RALGAPA2: variants seen among roughly 807,000 people sequenced by gnomAD.
The protein encoded by RALGAPA2 is ral GTPase-activating protein subunit alpha-2.
In RALGAPA2, 139 loss-of-function variants were observed where a neutral mutation model predicts 230.4. The ratio of observed to expected loss-of-function variants is 0.60; its 90% CI spans 0.53 to 0.69. The LOEUF (loss-of-function observed/expected upper bound fraction) is 0.69, where lower values mean the gene tolerates loss of function less well. Among genes scored for constraint, RALGAPA2 ranks in the 30% least tolerant of loss-of-function variants. The pLI is 0.00. For synonymous variants in RALGAPA2, 847 were observed against 837.8 expected, an observed-to-expected ratio of 1.01 and a Z score of -0.19; for missense variants, 2,163 against 2,276.0, an observed-to-expected ratio of 0.95 and a Z score of 1.01.
intron 37 of RALGAPA2, among the ~76,000 whole-genome samples, chr20:20,420,138 G>A (rs570052229): frequency 9.2e-5 from 14 of 152,292 alleles, no homozygotes; most frequent in African/African-American, 2.4e-4. Context: ...TGCCATGAGC[G>A]GGAAGGAAGT....
chr20:20,699,909 G>C (rs1036263527), intron 1 of RALGAPA2, among the ~76,000 whole-genome samples: 3 of 152,148 alleles, frequency 2.0e-5, no homozygotes, highest in African/African-American at 7.2e-5. Flanking sequence ...GTTTCTCAAA[G>C]AACTTAAAAC....
chr20:20,619,689 C>T (rs1466084451), intron 11 of RALGAPA2, among the ~76,000 whole-genome samples: 2 of 152,094 alleles, frequency 1.3e-5, no homozygotes, highest in African/African-American at 4.8e-5. Flanking sequence ...GAATACAGCC[C>T]TTTAAAATGA....
At chr20:20,633,917 A>G (rs1446396511) in intron 9 of RALGAPA2, among the ~76,000 whole-genome samples, 1 of 152,206 alleles carries the variant, frequency 6.6e-6, no homozygotes, top group Non-Finnish European at 1.5e-5. Context: ...CTTGACTGAC[A>G]TCCTGTGGGG....
intron 20 of RALGAPA2, among the ~76,000 whole-genome samples, chr20:20,573,948 T>A (rs1266447638): frequency 3.3e-5 from 5 of 152,238 alleles, no homozygotes; most frequent in Non-Finnish European, 7.3e-5. Flanking sequence ...TAAGTAAATA[T>A]CTAGGAGTGA....
At chr20:20,698,620 A>C (rs572731498) in intron 1 of RALGAPA2, among the ~76,000 whole-genome samples, 9 of 152,148 alleles carry the variant, frequency 5.9e-5, no homozygotes, top group African/African-American at 2.2e-4. Flanking sequence ...GGCTGGCCTC[A>C]AACTCCTGAC....
At chr20:20,585,024 G>A in intron 18 of RALGAPA2, 69 bp from the exon 19 acceptor site, 2 of 955,234 alleles carry the variant, frequency 2.1e-6, no homozygotes, top group Non-Finnish European at 3.1e-6. Context: ...TAAGTTTCTA[G>A]CCCAAATTTC....
chr20:20,443,236 G>A (rs2060779440), intron 37 of RALGAPA2, among the ~76,000 whole-genome samples: 1 of 152,198 alleles, frequency 6.6e-6, no homozygotes, highest in Non-Finnish European at 1.5e-5. Context: ...ACCGTGGCGT[G>A]GGGATGTAAT....
chr20:20,468,318 A>G (rs2061464572), intron 37 of RALGAPA2, among the ~76,000 whole-genome samples: 1 of 152,180 alleles, frequency 6.6e-6, no homozygotes. Context: ...TTTGGATTAG[A>G]AAAGCATGGC....
intron 36 of RALGAPA2, 62 bp downstream of exon 36, chr20:20,495,055 A>C (rs958734179): frequency 2.2e-6 from 3 of 1,387,462 alleles, no homozygotes; most frequent in Admixed American, 2.0e-5. Context: ...CTGATTTTCA[A>C]TGACAATGAA....
At chr20:20,514,222 C>T (rs1402338267) in intron 31 of RALGAPA2, among the ~76,000 whole-genome samples, 10 of 152,078 alleles carry the variant, frequency 6.6e-5, no homozygotes, top group Admixed American at 6.5e-4. Context: ...TGCTACCCTT[C>T]CTGGACATAG....
At chr20:20,414,618 C>G (rs1055413113) in intron 37 of RALGAPA2, among the ~76,000 whole-genome samples, 3 of 152,178 alleles carry the variant, frequency 2.0e-5, no homozygotes, top group Admixed American at 1.3e-4. Flanking sequence ...GATCTGGGCA[C>G]CTTAGAGGAA....
At chr20:20,456,720 T>C (rs2061129806) in intron 37 of RALGAPA2, among the ~76,000 whole-genome samples, 1 of 152,248 alleles carries the variant, frequency 6.6e-6, no homozygotes, top group Non-Finnish European at 1.5e-5. Flanking sequence ...AGGTGCCAGA[T>C]GTAAGAGACC....
Position 20,674,431 on chromosome 20 carries a change from T to C in RALGAPA2, c.270+1805A>G, listed in dbSNP as rs146892367. Among the ~76,000 whole-genome samples the C allele has an allele frequency of 3.0e-3, 463 of 152,270 alleles. 3 individuals are homozygous for C. The highest frequency in any genetic ancestry group is 0.011 in the African/African-American group (443 of 41,560). On this transcript the variant is annotated intron_variant, in intron 3 of 39. Coordinates refer to ENST00000202677, the MANE Select transcript of RALGAPA2 (RefSeq NM_020343.4). ...ACCAAAAAGTTACAGAGAATATTAC[T>C]CTTAATATTTCACATTAACAAAACT... is the stretch of plus-strand genomic sequence containing the variant.
At position 20,637,403 on chromosome 20, in the gene RALGAPA2, T is replaced by C. The variant is rs546934982; in HGVS notation, c.765A>G (p.Pro255=). ...FRKYYLPHLF[P]SFTKLTNIYK... ...AGATGTTTGTTAACTTAGTAAATGATGGAAATAAATGAGGAAGATAATACT... is the reference window on the plus strand; with the variant it reads ...AGATGTTTGTTAACTTAGTAAATGACGGAAATAAATGAGGAAGATAATACT... The change falls in exon 8 of 40, where the codon CCA becomes CCG. Residue 255 remains proline, a synonymous_variant. Transcript: ENST00000202677. The C allele has an allele frequency of 8.8e-6, 14 of 1,593,364 alleles. No individual in the cohort carries two copies. Among genetic ancestry groups the C allele is most frequent in the South Asian group, 2.3e-5 (2 of 88,216 alleles).
intron 28 of RALGAPA2, among the ~76,000 whole-genome samples, chr20:20,525,868 G>T (rs1378027719): frequency 6.6e-6 from 1 of 152,150 alleles, no homozygotes; most frequent in African/African-American, 2.4e-5. Flanking sequence ...CTTTAGTCTG[G>T]GAGAGACTTC....
chr20:20,569,207 TG>T (rs1160437471), intron 23 of RALGAPA2, among the ~76,000 whole-genome samples: 4 of 152,132 alleles, frequency 2.6e-5, no homozygotes, highest in Admixed American at 6.5e-5. Flanking sequence ...TTAACTTAAA[TG>T]AAAAAAAGTT....
chr20:20,702,018 C>T (rs532522209), intron 1 of RALGAPA2, among the ~76,000 whole-genome samples: 27 of 147,254 alleles, frequency 1.8e-4, no homozygotes, highest in African/African-American at 6.5e-4. Flanking sequence ...CTAGCCTGGG[C>T]GACAGAGCAA....
At chr20:20,430,189 G>A (rs551288664) in intron 37 of RALGAPA2, among the ~76,000 whole-genome samples, 1 of 152,378 alleles carries the variant, frequency 6.6e-6, no homozygotes, top group East Asian at 1.9e-4. Context: ...CACAGCAGCA[G>A]CTGCTGGACC....
intron 16 of RALGAPA2, among the ~76,000 whole-genome samples, chr20:20,593,565 T>G (rs1365017959): frequency 2.6e-5 from 4 of 152,246 alleles, no homozygotes; most frequent in Non-Finnish European, 5.9e-5. Context: ...GGGAACAGTT[T>G]ATATTTGTTA....
Sources: gnomAD v4.1 joint callset for allele counts (sites outside exome capture counted in the v4.1 genomes callset) on GRCh38, gnomAD v4.1.1 for gene constraint, MANE v1.5 for transcripts, NCBI Gene and HGNC (gene_info 2026-07-23, HGNC 2026-07-21) for gene names.